The following NELFA variants were observed in gnomAD, a reference collection of about 807,000 sequenced individuals.
NELFA encodes negative elongation factor complex member A, also known as negative elongation factor A.
In NELFA, 35 loss-of-function variants were observed where a neutral mutation model predicts 51.8. The ratio of observed to expected loss-of-function variants is 0.68; its 90% CI spans 0.52 to 0.90. The LOEUF (loss-of-function observed/expected upper bound fraction) is 0.90. NELFA is among the 40% of genes least tolerant of loss of function. The pLI is 0.00. For missense variants in NELFA, 658 were observed against 746.4 expected, an observed-to-expected ratio of 0.88 and a Z score of 1.38; for synonymous variants, 417 against 338.4, an observed-to-expected ratio of 1.23 and a Z score of -2.55.
chr4:1,985,331 G>A (rs891000146), intron 7 of NELFA, among the ~76,000 whole-genome samples: 12 of 152,214 alleles, frequency 7.9e-5, no homozygotes, highest in Non-Finnish European at 7.4e-5. Flanking sequence ...GGCCTCAGAC[G>A]ACCCACTGCA....
In NELFA at chr4:1,986,331, C is replaced by T; in HGVS notation, c.706G>A (p.Gly236Arg). The part of the protein sequence containing the change: ...PTAPSVFSPT[G>R]NRTPIPPSRT... ...GAAGGCGGGATGGGGGTCCGGTTCC[C>T]TGTGGGGCTGAAGACGCTGGGCGCC... is the stretch of plus-strand genomic sequence containing the variant. Residue 236 changes from glycine to arginine, a missense_variant, in exon 5 of 11, where the codon GGG (glycine) becomes AGG (arginine). By Grantham distance (125) the Gly-to-Arg change is moderately radical (BLOSUM62 -2). Coordinates refer to ENST00000382882, the MANE Select transcript of NELFA (RefSeq NM_005663.5). The T allele has an allele frequency of 6.2e-7, 1 of 1,601,026 alleles. No individual in the cohort carries two copies. Among genetic ancestry groups the T allele is most frequent in the Non-Finnish European group, 8.5e-7 (1 of 1,174,176 alleles).
chr4:1,986,075 G>A lies in NELFA; in HGVS notation c.835+39C>T, dbSNP rs1347322287. The A allele has an allele frequency of 2.6e-6, 4 of 1,545,530 alleles. No individual in the cohort carries two copies. The South Asian group carries it at 3.6e-5, about 14-fold the overall frequency. ...ACCCCAACTGGGCAGGGCCCGCAGGGACCCCCATTGCCGCCGACACGCAGG... is the reference window on the plus strand; with the variant it reads ...ACCCCAACTGGGCAGGGCCCGCAGGAACCCCCATTGCCGCCGACACGCAGG... On this transcript the variant is annotated intron_variant, in intron 6 of 10. Coordinates refer to ENST00000382882, the MANE Select transcript of NELFA (RefSeq NM_005663.5).
At chr4:1,988,211 C>T (rs1202990370) in intron 3 of NELFA, among the ~76,000 whole-genome samples, 6 of 152,308 alleles carry the variant, frequency 3.9e-5, no homozygotes, top group East Asian at 3.9e-4. Context: ...GAGCAAGTTT[C>T]GGGAGCTGGG....
At chr4:1,997,874 C>A (rs1560877924) in intron 1 of NELFA, among the ~76,000 whole-genome samples, 2 of 151,984 alleles carry the variant, frequency 1.3e-5, no homozygotes, top group African/African-American at 4.8e-5. Context: ...CAGCAGTGAC[C>A]CTACTGGCAT....
chr4:2,000,228 G>C (rs1728534689), intron 1 of NELFA, among the ~76,000 whole-genome samples: 1 of 152,104 alleles, frequency 6.6e-6, no homozygotes, highest in Admixed American at 6.6e-5. Flanking sequence ...AAAAGACCCA[G>C]AGAGGCAAGA....
chr4:1,999,410 G>T (rs1438345013), intron 1 of NELFA, among the ~76,000 whole-genome samples: 1 of 151,900 alleles, frequency 6.6e-6, no homozygotes, highest in South Asian at 2.1e-4. Flanking sequence ...CATCTTACAC[G>T]CAAAGACACA....
chr4:2,003,187 C>G (rs868189480), intron 1 of NELFA, among the ~76,000 whole-genome samples: 7 of 152,202 alleles, frequency 4.6e-5, no homozygotes, highest in African/African-American at 1.7e-4. Context: ...GATACCATCT[C>G]ACGCCAGTCA....
intron 1 of NELFA, among the ~76,000 whole-genome samples, chr4:2,007,471 C>T (rs1301110432): frequency 6.6e-6 from 1 of 152,190 alleles, no homozygotes; most frequent in East Asian, 1.9e-4. Flanking sequence ...TCAGCTGCAA[C>T]GTGGATGAAA....
intron 1 of NELFA, among the ~76,000 whole-genome samples, chr4:2,001,933 G>A (rs1054702559): frequency 6.6e-6 from 1 of 151,110 alleles, no homozygotes; most frequent in Admixed American, 6.6e-5. Flanking sequence ...AGGCACGGTG[G>A]CTCATGCCTG....
Position 1,983,910 on chromosome 4 carries a change from T to C in NELFA, c.1240A>G (p.Met414Val). Residue 414 changes from methionine (M) to valine (V), a missense_variant, in exon 9 of 11, where the codon ATG (methionine) becomes GTG (valine). By Grantham distance (21) the Met-to-Val change is conservative. Transcript: ENST00000382882. Reference protein sequence around the residue: ...APTTQTPPVAMVAPQTQAPAQ... With the variant: ...APTTQTPPVAVVAPQTQAPAQ... ...GGGGCCTGGGTCTGCGGGGCCACCA[T>C]GGCAACCGGGGGTGTCTGAGTGGTA... The C allele has an allele frequency of 6.2e-7, 1 of 1,604,970 alleles. No individual in the cohort carries two copies. The highest frequency in any genetic ancestry group is 8.5e-7 in the Non-Finnish European group (1 of 1,175,514).
At chr4:1,988,145 C>T (rs568825501) in intron 3 of NELFA, 138 bp from the exon 4 acceptor site, 317 of 688,928 alleles carry the variant, frequency 4.6e-4, no homozygotes, top group Non-Finnish European at 6.8e-4. Flanking sequence ...GCAGCTGTTC[C>T]GAGCCGGGCC....
rs1728195410 is a variant in NELFA, at chr4:1,989,066, C to T, written c.544+642G>A. Among the ~76,000 whole-genome samples the T allele has an allele frequency of 6.6e-6, 1 of 151,882 alleles. No homozygotes were observed. Among genetic ancestry groups the T allele is most frequent in the Non-Finnish European group, 1.5e-5 (1 of 67,994 alleles). ...GTTCAAGTGATTCTCTTGCCTCAGC[C>T]TCCCAAGCAACTGGGATTACAGGCA... is the stretch of plus-strand genomic sequence containing the variant. On this transcript the variant is annotated intron_variant, in intron 3 of 10. Transcript: ENST00000382882. The surrounding 1 kb of genome is among the most constrained non-coding windows in gnomAD (Gnocchi z 4.8).
rs758513713 is a variant in NELFA at position 1,985,826 on chromosome 4, C to T, written c.874G>A (p.Val292Met). The T allele has an allele frequency of 1.2e-6, 2 of 1,613,446 alleles. No individual in the cohort carries two copies. The highest frequency in any genetic ancestry group is 2.2e-5 in the South Asian group (2 of 91,034). Reference protein sequence around the residue: ...VVEKPAKEETVVENATPDYAA... With the variant: ...VVEKPAKEETMVENATPDYAA... ...TAGTCCGGGGTGGCGTTCTCCACCA[C>T]CGTTTCCTCCTTGGCCGGCTTCTCC... is the stretch of plus-strand genomic sequence containing the variant. The change falls in exon 7 of 11, where the codon GTG (valine) becomes ATG (methionine). Residue 292 changes from valine to methionine, a missense_variant. Around this residue, in one of 3 missense-constraint regions of NELFA, gnomAD observed 371 missense variants for 448.3 expected, o/e 0.83. Transcript: ENST00000382882.
chr4:1,990,366 C>G, intron 2 of NELFA: 1 of 456,934 alleles, frequency 2.2e-6, no homozygotes, highest in East Asian at 6.9e-5. Flanking sequence ...ATCCCAGAAA[C>G]TGCCCCACGA....
Position 1,991,605 on chromosome 4 carries a change from G to A in NELFA, c.321C>T (p.Asn107=), listed in dbSNP as rs1728269191. 2 of 1,613,916 alleles carry A rather than the reference G, an allele frequency of 1.2e-6. No homozygotes were observed. Among genetic ancestry groups the A allele is most frequent in the South Asian group, 1.1e-5 (1 of 91,078 alleles). Reference sequence around the variant, plus strand: ...TGGGATTCTGCTCCTCCAGCTCCAGGTTAAGCGAGCCTGTGTCCGGAAAGG... The same window carrying A: ...TGGGATTCTGCTCCTCCAGCTCCAGATTAAGCGAGCCTGTGTCCGGAAAGG... ...LKSFPDTGSL[N]LELEEQNPNV... The change falls in exon 2 of 11, where the codon AAC becomes AAT. Residue 107 remains asparagine, a synonymous_variant. Transcript: ENST00000382882.
intron 1 of NELFA, chr4:2,003,799 T>C (rs1468078372): frequency 6.6e-6 from 1 of 150,504 alleles, no homozygotes; most frequent in Non-Finnish European, 1.5e-5. Context: ...GGCACACGTA[T>C]ACCTATGTAA....
At chr4:2,006,096 A>C (rs1160657925) in intron 1 of NELFA, among the ~76,000 whole-genome samples, 1 of 152,240 alleles carries the variant, frequency 6.6e-6, no homozygotes, top group Non-Finnish European at 1.5e-5. Context: ...CAAGGCTTAT[A>C]AATAAAGTGA....
rs747693345 is a variant in NELFA, at chr4:1,986,349, T to C, written c.688A>G (p.Ser230Gly). 1.1e-5 allele frequency: 18 copies of C among 1,605,994 alleles called. 1 individual carries two copies. The highest frequency in any genetic ancestry group is 6.7e-5 in the East Asian group (3 of 44,536). ...QAPFRSPTAP[S>G]VFSPTGNRTP... The stretch of plus-strand genomic sequence containing the variant: ...CGGTTCCCTGTGGGGCTGAAGACGC[T>C]GGGCGCCGTGGGGCTTCTGAAGGGC... Residue 230 changes from serine to glycine, a missense_variant, in exon 5 of 11, where the codon AGC becomes GGC. Ser to Gly is a moderately conservative substitution (Grantham distance 56). Around this residue, in one of 3 missense-constraint regions of NELFA, gnomAD observed 371 missense variants for 448.3 expected, o/e 0.83. Coordinates refer to ENST00000382882, the MANE Select transcript of NELFA (RefSeq NM_005663.5).
At position 1,983,872 on chromosome 4, in the gene NELFA, C is replaced by T. The variant is rs1467628814; in HGVS notation, c.1278G>A (p.Gln426=). 2 of 1,582,754 alleles carry T rather than the reference C, an allele frequency of 1.3e-6. No homozygotes were observed. The highest frequency in any genetic ancestry group is 1.3e-5 in the African/African-American group (1 of 74,088). The stretch of plus-strand genomic sequence containing the variant: ...CCGTGAGGGACAGGTTCTTCTTAGG[C>T]TGCTGCTGAGCAGGGGCCTGGGTCT... ...APQTQAPAQQ[Q]PKKNLSLTRE... The change falls in exon 9 of 11, where the codon CAG becomes CAA. Residue 426 remains glutamine (Q), a synonymous_variant. Transcript: ENST00000382882.
Sources: allele counts gnomAD v4.1 joint callset (sites outside exome capture counted in the v4.1 genomes callset), GRCh38; gene constraint gnomAD v4.1.1; regional missense constraint gnomAD v4.1.1; non-coding constraint Gnocchi (gnomAD v3.1); transcripts MANE v1.5; gene names NCBI Gene and HGNC (gene_info 2026-07-23, HGNC 2026-07-21).